The following EMSY variants were observed in gnomAD, a reference collection of about 807,000 sequenced individuals.
The protein encoded by EMSY is BRCA2-interacting transcriptional repressor EMSY.
In EMSY, 26 loss-of-function variants were observed where a neutral mutation model predicts 134.6. The ratio of observed to expected loss-of-function variants is 0.19; its 90% confidence interval spans 0.14 to 0.27. The LOEUF is 0.27. Among genes scored for constraint, EMSY ranks in the 10% least tolerant of loss-of-function variants. The pLI, the probability that EMSY is intolerant of heterozygous loss-of-function variation, is 1.00. For synonymous variants in EMSY, 579 were observed against 577.8 expected, an observed-to-expected ratio of 1.00 and a Z score of -0.03; for missense variants, 1,305 against 1,611.4, an observed-to-expected ratio of 0.81 and a Z score of 3.26.
intron 2 of EMSY, among the ~76,000 whole-genome samples, chr11:76,449,494 A>G (rs547608910): frequency 5.4e-4 from 82 of 152,348 alleles, no homozygotes; most frequent in African/African-American, 1.6e-3. Flanking sequence ...CTTGATCATC[A>G]TAAATTCCAC....
chr11:76,505,575 C>T (rs1002571074), intron 9 of EMSY, among the ~76,000 whole-genome samples: 3 of 151,248 alleles, frequency 2.0e-5, no homozygotes, highest in Non-Finnish European at 3.0e-5. Context: ...AGAAATATGG[C>T]GGCTGGGCAC....
chr11:76,456,226 A>T lies in EMSY; in HGVS notation c.246-1957A>T, dbSNP rs1947866361. On this transcript the variant is annotated intron_variant, in intron 4 of 20. Coordinates refer to ENST00000334736, the Ensembl canonical transcript of EMSY. Reference sequence around the variant, plus strand: ...ACATCTTCATTACTAAGCAAATAGGAATTTCTGATCTAATTCTAACATGAT... The same window carrying T: ...ACATCTTCATTACTAAGCAAATAGGTATTTCTGATCTAATTCTAACATGAT... Among the ~76,000 whole-genome samples the T allele has an allele frequency of 4.6e-5, 7 of 152,302 alleles. No homozygotes were observed. In the South Asian group the frequency reaches 1.4e-3, roughly 32 times the overall value.
chr11:76,460,738 G>C (rs1056229604), intron 6 of EMSY: 1 of 152,044 alleles, frequency 6.6e-6, no homozygotes, highest in South Asian at 2.1e-4. Flanking sequence ...CTAGCACTTT[G>C]GGAGGCCGAG....
intron 4 of EMSY, among the ~76,000 whole-genome samples, chr11:76,454,992 G>A (rs891075139): frequency 6.6e-6 from 1 of 152,072 alleles, no homozygotes; most frequent in African/African-American, 2.4e-5. Context: ...CAGAGGGTGG[G>A]AAGGGAGAGG....
At chr11:76,512,425 A>G (rs1189991362) in intron 9 of EMSY, among the ~76,000 whole-genome samples, 1 of 152,160 alleles carries the variant, frequency 6.6e-6, no homozygotes, top group African/African-American at 2.4e-5. Context: ...TAGTAGTGGT[A>G]TTTCCGTTTA....
intron 4 of EMSY, 106 bp from the exon 5 acceptor site, chr11:76,454,643 G>A: frequency 1.5e-6 from 1 of 650,498 alleles, no homozygotes; most frequent in Non-Finnish European, 2.5e-6. Flanking sequence ...TATTGTAGAA[G>A]CATTGGAAAG....
intron 2 of EMSY, among the ~76,000 whole-genome samples, chr11:76,448,011 G>C (rs1227634490): frequency 2.0e-5 from 3 of 152,144 alleles, no homozygotes; most frequent in Non-Finnish European, 2.9e-5. Context: ...TATTACAAAT[G>C]ACCCATGTGA....
chr11:76,460,247 A>G (rs1948054265), intron 6 of EMSY, 162 bp downstream of exon 7: 1 of 797,388 alleles, frequency 1.3e-6, no homozygotes, highest in Non-Finnish European at 2.0e-6. Flanking sequence ...ATGACTAGGT[A>G]TATATTGCTT....
chr11:76,542,319 G>C, exon 18 of EMSY: 1 of 1,614,166 alleles, frequency 6.2e-7, no homozygotes, highest in Non-Finnish European at 8.5e-7. Context: ...TGGTGGTGAA[G>C]TCCATCCCAG....
At position 76,477,817 on chromosome 11, in the gene EMSY, G is replaced by A. The variant is rs541260437; in HGVS notation, c.1108+4977G>A. 5.3e-5 allele frequency among the ~76,000 whole-genome samples: 8 copies of A among 152,238 alleles called. No homozygotes were observed. In the South Asian group the frequency reaches 1.7e-3, roughly 32 times the overall value. On this transcript the variant is annotated intron_variant, in intron 8 of 20. Transcript: ENST00000334736. Reference sequence around the variant, plus strand: ...TTCTCAAATGGGCTATTATTTCTTAGATTGATTCCACTTTTTATTCTGCCT... The same window carrying A: ...TTCTCAAATGGGCTATTATTTCTTAAATTGATTCCACTTTTTATTCTGCCT...
rs776276962 is a variant in EMSY at position 76,457,486 on chromosome 11, AGT to A, written c.246-696_246-695del. On this transcript the variant is annotated intron_variant, in intron 4 of 20. Coordinates refer to ENST00000334736, the Ensembl canonical transcript of EMSY. ...AACTGAGAATGGTGTTTGCTTAGAG[AGT>A]TGAATTGTCTCAATTCCTTCTTAGA... Among the ~76,000 whole-genome samples the A allele has an allele frequency of 1.9e-4, 29 of 152,328 alleles. No individual in the cohort carries two copies. The Middle Eastern group carries it at 0.01, about 54-fold the overall frequency.
chr11:76,514,687 A>G (rs924387816), intron 10 of EMSY, among the ~76,000 whole-genome samples: 3 of 152,136 alleles, frequency 2.0e-5, no homozygotes, highest in Admixed American at 6.6e-5. Flanking sequence ...AACACCATCT[A>G]TCTCCAAAAC....
At chr11:76,450,450 A>G (rs1022902622) in intron 2 of EMSY, among the ~76,000 whole-genome samples, 1 of 151,528 alleles carries the variant, frequency 6.6e-6, no homozygotes, top group African/African-American at 2.4e-5. Flanking sequence ...AACATGCAGG[A>G]TGTTTAAACT....
intron 7 of EMSY, among the ~76,000 whole-genome samples, chr11:76,467,454 C>G (rs1055570432): frequency 2.0e-5 from 3 of 152,170 alleles, no homozygotes; most frequent in Non-Finnish European, 2.9e-5. Flanking sequence ...ATTATACTTA[C>G]AACTAGTTGA....
chr11:76,546,034 C>T (rs532492844), exon 20 of EMSY: 1 of 1,614,122 alleles, frequency 6.2e-7, no homozygotes, highest in Non-Finnish European at 8.5e-7. Flanking sequence ...AGTGGATCCC[C>T]CAAAGAAGGC....
At chr11:76,471,566 C>G (rs758313469) in intron 7 of EMSY, among the ~76,000 whole-genome samples, 9 of 151,574 alleles carry the variant, frequency 5.9e-5, no homozygotes, top group Non-Finnish European at 1.3e-4. Context: ...TCAGACTTTC[C>G]TTTTTTTTGA....
At chr11:76,486,042 A>G (rs1949164351) in intron 8 of EMSY, among the ~76,000 whole-genome samples, 1 of 152,266 alleles carries the variant, frequency 6.6e-6, no homozygotes, top group African/African-American at 2.4e-5. Context: ...AAAGTGTGGC[A>G]CGTATACACC....
At chr11:76,473,796 C>T (rs918038575) in intron 8 of EMSY, among the ~76,000 whole-genome samples, 1 of 151,882 alleles carries the variant, frequency 6.6e-6, no homozygotes, top group African/African-American at 2.4e-5. Context: ...TCAAGACCAG[C>T]CTGGCCTGTA....
chr11:76,451,409 C>G (rs138771870), intron 2 of EMSY, among the ~76,000 whole-genome samples: 265 of 152,278 alleles, frequency 1.7e-3, no homozygotes, highest in African/African-American at 6.3e-3. Flanking sequence ...ATACTATTTA[C>G]AGTACTTTCG....
Sources: allele counts gnomAD v4.1 joint callset (sites outside exome capture counted in the v4.1 genomes callset), GRCh38; gene constraint gnomAD v4.1.1; transcripts MANE v1.5; gene names NCBI Gene and HGNC (gene_info 2026-07-23, HGNC 2026-07-21).